Variants in AKAP13 observed in about 807,000 individuals in gnomAD.
AKAP13 encodes A-kinase anchoring protein 13.
AKAP13 carries 80 observed loss-of-function variants against 264.5 expected under a neutral mutation model. The observed-to-expected ratio is 0.30, with a 90% confidence interval of 0.25 to 0.36. AKAP13 has a LOEUF of 0.36. Among genes scored for constraint, AKAP13 ranks in the 10% least tolerant of loss-of-function variants. AKAP13 has a pLI of 1.00. For missense variants in AKAP13, 3,712 were observed against 3,435.2 expected (o/e 1.08, Z -2.01); for synonymous variants, 1,380 against 1,250.2 (o/e 1.10, Z -2.19).
In AKAP13 at chr15:85,581,763, G is replaced by A; in HGVS notation, c.3695G>A (p.Cys1232Tyr). The change falls in exon 7 of 37, where the codon TGC (cysteine) becomes TAC (tyrosine). Residue 1232 changes from cysteine to tyrosine, a missense_variant. This residue lies in a region of AKAP13 where 2,759 missense variants were observed against 2,411.7 expected (regional missense o/e 1.14). Transcript: ENST00000394518. ...GRERSTPSLP[C>Y]MVSAQDAPLP... Reference sequence around the variant, plus strand: ...GAAAGGAGCACTCCCTCTCTACCTTGCATGGTCTCTGCCCAGGACGCACCT... The same window carrying A: ...GAAAGGAGCACTCCCTCTCTACCTTACATGGTCTCTGCCCAGGACGCACCT... 2 of 1,614,188 alleles carry A rather than the reference G, an allele frequency of 1.2e-6. No homozygotes were observed. The highest frequency in any genetic ancestry group is 1.7e-6 in the Non-Finnish European group (2 of 1,180,012).
At chr15:85,415,877 C>G (rs577243835) in intron 1 of AKAP13, among the ~76,000 whole-genome samples, 1 of 152,204 alleles carries the variant, frequency 6.6e-6, no homozygotes, top group African/African-American at 2.4e-5. Flanking sequence ...TGATGATTAT[C>G]TTTTAAAAAA....
chr15:85,553,596 T>A (rs2078038736), intron 5 of AKAP13, among the ~76,000 whole-genome samples: 1 of 152,156 alleles, frequency 6.6e-6, no homozygotes, highest in Admixed American at 6.5e-5. Context: ...TGTACCATTT[T>A]ATTCTTATAG....
At chr15:85,741,697 T>TAAAAAAAAAAAAA (rs56782497) in intron 35 of AKAP13, among the ~76,000 whole-genome samples, 1 of 106,344 alleles carries the variant, frequency 9.4e-6, no homozygotes, top group African/African-American at 3.7e-5. Flanking sequence ...CTGTCTCTCC[T>TAAAAAAAAAAAAA]AAAAAAAAAA....
intron 3 of AKAP13, among the ~76,000 whole-genome samples, chr15:85,522,014 T>C (rs1239544966): frequency 1.3e-5 from 2 of 152,166 alleles, no homozygotes; most frequent in African/African-American, 2.4e-5. Context: ...GTATTAGATA[T>C]CCTTCCTTGT....
intron 1 of AKAP13, among the ~76,000 whole-genome samples, chr15:85,421,622 T>G (rs181758824): frequency 6.6e-6 from 1 of 152,386 alleles, no homozygotes; most frequent in East Asian, 1.9e-4. Context: ...TTTGTATCTT[T>G]TTTTTTCTTT....
At chr15:85,403,810 C>A (rs2071539386) in intron 1 of AKAP13, among the ~76,000 whole-genome samples, 2 of 149,156 alleles carry the variant, frequency 1.3e-5, no homozygotes, top group East Asian at 4.0e-4. Flanking sequence ...ACCACACCAT[C>A]GCATGCCATC....
At chr15:85,528,332 C>T (rs2077146446) in intron 3 of AKAP13, among the ~76,000 whole-genome samples, 1 of 152,162 alleles carries the variant, frequency 6.6e-6, no homozygotes, top group African/African-American at 2.4e-5. Flanking sequence ...TCTTTCCCTC[C>T]TCACTTAATT....
intron 1 of AKAP13, among the ~76,000 whole-genome samples, chr15:85,408,858 G>T (rs2071804282): frequency 6.6e-6 from 1 of 151,716 alleles, no homozygotes; most frequent in African/African-American, 2.4e-5. Context: ...GGACTTGCTG[G>T]ATCATATGGT....
At chr15:85,703,207 A>G (rs573962002) in intron 17 of AKAP13, among the ~76,000 whole-genome samples, 1 of 152,344 alleles carries the variant, frequency 6.6e-6, no homozygotes, top group Non-Finnish European at 1.5e-5. Context: ...TGGCATTTAT[A>G]GTTCATTGCT....
At chr15:85,684,145 C>T (rs2084766240) in intron 15 of AKAP13, among the ~76,000 whole-genome samples, 1 of 152,160 alleles carries the variant, frequency 6.6e-6, no homozygotes, top group Admixed American at 6.5e-5. Context: ...CTTTCAAGCA[C>T]CCATTTGTTA....
At chr15:85,613,620 G>T (rs559057541) in intron 8 of AKAP13, among the ~76,000 whole-genome samples, 3 of 147,958 alleles carry the variant, frequency 2.0e-5, no homozygotes, top group East Asian at 4.0e-4. Context: ...GGCGGAGCTT[G>T]CAGTGAGCCG....
intron 1 of AKAP13, among the ~76,000 whole-genome samples, chr15:85,473,326 C>T (rs1365795117): frequency 3.9e-5 from 6 of 152,120 alleles, no homozygotes; most frequent in South Asian, 4.2e-4. Flanking sequence ...ATGTGGAAGG[C>T]ACAAGTAAGA....
At position 85,740,257 on chromosome 15, in the gene AKAP13, C is replaced by G. The variant is rs773686239; in HGVS notation, c.7593C>G (p.Leu2531=). ...AGAGCGTTGTTCATCTCTACGAGCT[C>G]CTCAGCGCTCTGCAGGTGCGTGCCT... ...VVQSVVHLYE[L]LSALQGVVLQ... The change falls in exon 34 of 37, where the codon CTC becomes CTG. Residue 2531 remains leucine, a synonymous_variant. Coordinates refer to ENST00000394518, the MANE Select transcript of AKAP13 (RefSeq NM_007200.5). The G allele has an allele frequency of 1.9e-6, 3 of 1,614,140 alleles. No individual in the cohort carries two copies. In the South Asian group the frequency reaches 3.3e-5, roughly 18 times the overall value.
intron 5 of AKAP13, among the ~76,000 whole-genome samples, chr15:85,568,271 G>A (rs1320185757): frequency 6.6e-6 from 1 of 151,374 alleles, no homozygotes; most frequent in East Asian, 1.9e-4. Context: ...GCACACTCCA[G>A]CATGAGTGAC....
intron 2 of AKAP13, among the ~76,000 whole-genome samples, chr15:85,509,668 A>G (rs2076354531): frequency 6.6e-6 from 1 of 152,206 alleles, no homozygotes; most frequent in Non-Finnish European, 1.5e-5. Flanking sequence ...TTATCCTATA[A>G]TTAAATTTTG....
chr15:85,452,216 AG>A (rs925994026), intron 1 of AKAP13, among the ~76,000 whole-genome samples: 1 of 102,522 alleles, frequency 9.8e-6, no homozygotes, highest in African/African-American at 4.3e-5. Context: ...CAGATCCCTT[AG>A]GGTTTTTTTT....
intron 7 of AKAP13, among the ~76,000 whole-genome samples, chr15:85,584,335 A>G (rs1422499122): frequency 6.6e-6 from 1 of 152,186 alleles, no homozygotes; most frequent in African/African-American, 2.4e-5. Context: ...AGTGTGAGTA[A>G]TCACTGTTTT....
rs776690617 is a variant in AKAP13 at position 85,581,394 on chromosome 15, C to T, written c.3326C>T (p.Ser1109Leu). Residue 1109 changes from serine (S) to leucine (L), a missense_variant, in exon 7 of 37, where the codon TCA (serine) becomes TTA (leucine). By Grantham distance (145) the Ser-to-Leu change is moderately radical. Around this residue, in one of 3 missense-constraint regions of AKAP13, gnomAD observed 2,759 missense variants for 2,411.7 expected, o/e 1.14. Transcript: ENST00000394518. ...GCTGAGCCCAGAAGAGAGAATATATCACACAACACCCAAGACATCCTGATT... is the reference window on the plus strand; with the variant it reads ...GCTGAGCCCAGAAGAGAGAATATATTACACAACACCCAAGACATCCTGATT... ...GMAEPRRENISHNTQDILIPN... is the reference protein window; with the variant it reads ...GMAEPRRENILHNTQDILIPN... 3.1e-6 allele frequency: 5 copies of T among 1,614,072 alleles called. No homozygotes were observed. The highest frequency in any genetic ancestry group is 4.2e-6 in the Non-Finnish European group (5 of 1,180,024).
intron 8 of AKAP13, among the ~76,000 whole-genome samples, chr15:85,594,362 T>A (rs926926034): frequency 5.3e-5 from 8 of 152,194 alleles, no homozygotes; most frequent in Admixed American, 3.9e-4. Context: ...AACCAGTAAA[T>A]CAGACATATT....
Sources: allele counts gnomAD v4.1 joint callset (sites outside exome capture counted in the v4.1 genomes callset), GRCh38; gene constraint gnomAD v4.1.1; regional missense constraint gnomAD v4.1.1; transcripts MANE v1.5; gene names NCBI Gene and HGNC (gene_info 2026-07-23, HGNC 2026-07-21).